ZNF469: variants seen among roughly 807,000 people sequenced by gnomAD.
ZNF469 encodes zinc finger protein 469.
Under a neutral mutation model 1.0 loss-of-function variants are expected in ZNF469, and 1 was observed. That is an observed-to-expected ratio of 1.00 (90% CI 0.35 to 4.73). ZNF469 has a LOEUF of 4.73. Ranked by LOEUF, ZNF469 falls within the 30% of genes most tolerant of loss-of-function variation. The pLI is 0.16. For synonymous variants in ZNF469, 2,703 were observed against 2,363.4 expected (o/e 1.14, Z -4.17); for missense variants, 6,100 against 5,356.3 (o/e 1.14, Z -4.33).
chr16:88,107,811 G>A, the ZNF469 span, among the ~76,000 whole-genome samples: 18 of 152,250 alleles, frequency 1.2e-4, no homozygotes, highest in South Asian at 2.1e-4. Context: ...ACCCTCAGGA[G>A]AGCACAGCAC....
At chr16:88,239,898 C>A in the ZNF469 span, among the ~76,000 whole-genome samples, 1,826 of 147,168 alleles carry the variant, frequency 0.012, 16 homozygotes, top group Non-Finnish European at 0.019. Context: ...TGTTATCTTG[C>A]ATGCCCAGAA....
chr16:88,336,570 T>G, the ZNF469 span, among the ~76,000 whole-genome samples: 1 of 151,720 alleles, frequency 6.6e-6, no homozygotes, highest in Non-Finnish European at 1.5e-5. Context: ...ATGTTCATCC[T>G]TCATGTGAGA....
At chr16:88,286,635 A>C in the ZNF469 span, among the ~76,000 whole-genome samples, 1 of 152,256 alleles carries the variant, frequency 6.6e-6, no homozygotes, top group African/African-American at 2.4e-5. Context: ...TTCTGCATTC[A>C]GTGCTGACAA....
At chr16:88,234,979 G>A in the ZNF469 span, 9 of 152,430 alleles carry the variant, frequency 5.9e-5, no homozygotes, top group Admixed American at 1.3e-4. Context: ...GGGTGGGGGC[G>A]GCTCTGCCCT....
the ZNF469 span, among the ~76,000 whole-genome samples, chr16:88,169,254 C>G: frequency 1.7e-3 from 264 of 152,282 alleles, 1 homozygote; most frequent in African/African-American, 6.0e-3. The surrounding 1 kb of genome is among the most constrained non-coding windows in gnomAD (Gnocchi z 6.1). Flanking sequence ...ATGTAATCTA[C>G]GTCAGTAAAA....
At chr16:88,108,531 G>C in the ZNF469 span, among the ~76,000 whole-genome samples, 1 of 152,184 alleles carries the variant, frequency 6.6e-6, no homozygotes, top group South Asian at 2.1e-4. Context: ...GGGGACTTCT[G>C]GGGGTGAGGA....
intron 2 of ZNF469, among the ~76,000 whole-genome samples, chr16:88,426,131 C>G (rs954756535): frequency 6.6e-6 from 1 of 152,240 alleles, no homozygotes; most frequent in African/African-American, 2.4e-5. Flanking sequence ...GTCCTGTGAC[C>G]TCAGGAGGCA....
the ZNF469 span, among the ~76,000 whole-genome samples, chr16:88,114,962 C>G: frequency 1.3e-3 from 59 of 44,336 alleles, no homozygotes; most frequent in African/African-American, 2.9e-3. Flanking sequence ...TTGCTGTGGC[C>G]TCTCATGGAG....
chr16:88,132,152 G>C, the ZNF469 span, among the ~76,000 whole-genome samples: 5,014 of 151,900 alleles, frequency 0.033, no homozygotes, highest in African/African-American at 0.11. Context: ...ATGGCTTCAG[G>C]TGCCTCAGGC....
At chr16:88,299,597 G>A in the ZNF469 span, among the ~76,000 whole-genome samples, 5 of 152,178 alleles carry the variant, frequency 3.3e-5, no homozygotes, top group Non-Finnish European at 7.3e-5. Context: ...TTTGCCGTGC[G>A]GTGTGGGCGG....
chr16:88,411,490 GAGCGGGCAGGGGTGCAAGCA>G, intron 1 of ZNF469, among the ~76,000 whole-genome samples: 1 of 15,924 alleles, frequency 6.3e-5, no homozygotes, highest in South Asian at 4.8e-3. Context: ...GCAGGGGTGC[GAGCGGGCAGGGGTGCAAGCA>G]GGCAGGGGTG....
chr16:88,219,306 G>T, the ZNF469 span, among the ~76,000 whole-genome samples: 5 of 145,448 alleles, frequency 3.4e-5, no homozygotes, highest in African/African-American at 1.0e-4. Context: ...AGCCCGCATT[G>T]CCAAGTCAAT....
rs750038143 is a variant in ZNF469, at chr16:88,431,906, G to A, written c.4436G>A (p.Gly1479Asp). 1.5e-5 allele frequency: 24 copies of A among 1,549,610 alleles called. No homozygotes were observed. In the Admixed American group the frequency reaches 2.4e-4, roughly 15 times the overall value. Residue 1479 changes from glycine to aspartate, a missense_variant, in exon 3 of 3, where the codon GGT becomes GAT. Transcript: ENST00000565624. The stretch of plus-strand genomic sequence containing the variant: ...AGCCTGTCTGCGAACAGGGACTCCG[G>A]TCTGCCGTTCGCATGTGCCGACCCT... ...YGSLSANRDS[G>D]LPFACADPPQ... is the part of the protein sequence containing the mutation.
At chr16:88,155,172 C>T in the ZNF469 span, among the ~76,000 whole-genome samples, 3,866 of 152,288 alleles carry the variant, frequency 0.025, 153 homozygotes, top group African/African-American at 0.085. Context: ...ACAGAGCCTG[C>T]AAGTCCAGAG....
the ZNF469 span, among the ~76,000 whole-genome samples, chr16:88,130,298 C>T: frequency 0.013 from 2,029 of 152,204 alleles, 43 homozygotes; most frequent in African/African-American, 0.045. Context: ...ACAAACCGCA[C>T]GCCGCAGACA....
chr16:88,192,979 G>GTGGTGGTGATGGTGGTGGTGGTGA, the ZNF469 span, among the ~76,000 whole-genome samples: 1 of 135,240 alleles, frequency 7.4e-6, no homozygotes, highest in Admixed American at 7.5e-5. Flanking sequence ...GGTAGTGATG[G>GTGGTGGTGATGGTGGTGGTGGTGA]TGGTGGTGAT....
At chr16:88,232,643 A>C in the ZNF469 span, among the ~76,000 whole-genome samples, 4 of 152,202 alleles carry the variant, frequency 2.6e-5, no homozygotes, top group South Asian at 6.2e-4. Flanking sequence ...TCTCTGCCTG[A>C]GAGAGGGTCA....
the ZNF469 span, among the ~76,000 whole-genome samples, chr16:88,259,852 G>T: frequency 2.6e-5 from 4 of 152,194 alleles, no homozygotes; most frequent in East Asian, 7.7e-4. This position sits in a 1 kb window ranked among gnomAD's most constrained non-coding sequence, Gnocchi z 4.1. Context: ...GGACATCTGA[G>T]CAGCAGAGCT....
the ZNF469 span, among the ~76,000 whole-genome samples, chr16:88,147,062 G>A: frequency 4.0e-4 from 61 of 152,154 alleles, no homozygotes; most frequent in Non-Finnish European, 6.3e-4. Flanking sequence ...TGGCAAAAGG[G>A]ACTTTGCAGA....
Sources: gnomAD v4.1 joint callset for allele counts (sites outside exome capture counted in the v4.1 genomes callset) on GRCh38, gnomAD v4.1.1 for gene constraint, Gnocchi (gnomAD v3.1) non-coding constraint, MANE v1.5 for transcripts, NCBI Gene and HGNC (gene_info 2026-07-23, HGNC 2026-07-21) for gene names.